The following FGF18 variants were observed in gnomAD, a reference collection of about 807,000 sequenced individuals.
FGF18 encodes the protein fibroblast growth factor 18.
FGF18 carries 5 observed loss-of-function variants against 23.0 expected under a neutral mutation model. The ratio of observed to expected loss-of-function variants is 0.22; its 90% CI spans 0.11 to 0.46. FGF18 has a LOEUF of 0.46. Among genes scored for constraint, FGF18 ranks in the 20% least tolerant of loss-of-function variants. The pLI, the probability that FGF18 is intolerant of heterozygous loss-of-function variation, is 0.99. For missense variants in FGF18, 180 were observed against 291.6 expected (o/e 0.62, Z 2.79); for synonymous variants, 117 against 118.9 (o/e 0.98, Z 0.10).
At position 171,449,264 on chromosome 5, in the gene FGF18, G is replaced by A; in HGVS notation, c.357+11G>A. The stretch of plus-strand genomic sequence containing the variant: ...AAGCTCGTGGGGAAGGTGAGTGATG[G>A]TTTGGGATTCCCGGGAACTTCGGGT... On this transcript the variant is annotated intron_variant, in intron 4 of 4. Coordinates refer to ENST00000274625, the MANE Select transcript of FGF18 (RefSeq NM_003862.3). 2.5e-6 allele frequency: 4 copies of A among 1,605,776 alleles called. No individual in the cohort carries two copies. Among genetic ancestry groups the A allele is most frequent in the Non-Finnish European group, 3.4e-6 (4 of 1,172,498 alleles).
At chr5:171,431,980 C>T (rs946516989) in intron 2 of FGF18, among the ~76,000 whole-genome samples, 2 of 151,946 alleles carry the variant, frequency 1.3e-5, no homozygotes, top group South Asian at 2.1e-4. Flanking sequence ...ACCGGGGAGG[C>T]GGAGGTTGCA....
intron 2 of FGF18, among the ~76,000 whole-genome samples, chr5:171,423,967 G>A (rs1279501892): frequency 6.6e-6 from 1 of 152,024 alleles, no homozygotes; most frequent in Non-Finnish European, 1.5e-5. Flanking sequence ...GTTTCACCAT[G>A]TTGGCCAGGC....
In FGF18 at chr5:171,456,919, T is replaced by C. The variant is rs189596455; in HGVS notation, c.*114T>C. 1 of 1,342,352 alleles carries C rather than the reference T, an allele frequency of 7.4e-7. No homozygotes were observed. Among genetic ancestry groups the C allele is most frequent in the African/African-American group, 1.5e-5 (1 of 68,162 alleles). The allele number at this position is 1,342,352 out of a possible 1,614,324, so 83.2% of individuals were successfully genotyped here. On this transcript the variant is annotated 3_prime_UTR_variant, in exon 5 of 5. Coordinates refer to ENST00000274625, the MANE Select transcript of FGF18 (RefSeq NM_003862.3). The surrounding 1 kb of genome is among the most constrained non-coding windows in gnomAD (Gnocchi z 6.1). ...AGGAAGAAGCTCTATTTTTGTACAT[T>C]GTGTTTAAAAGAAGACAAAAACTGA...
At chr5:171,453,952 C>T (rs1772548912) in intron 4 of FGF18, among the ~76,000 whole-genome samples, 1 of 152,088 alleles carries the variant, frequency 6.6e-6, no homozygotes, top group African/African-American at 2.4e-5. Flanking sequence ...CGTTCAACCC[C>T]AAATGCTCGG....
At chr5:171,429,643 G>T (rs1327673624) in intron 2 of FGF18, among the ~76,000 whole-genome samples, 1 of 152,264 alleles carries the variant, frequency 6.6e-6, no homozygotes, top group Non-Finnish European at 1.5e-5. Context: ...GTGGCTGGAA[G>T]TCTGGGGGCT....
intron 2 of FGF18, among the ~76,000 whole-genome samples, chr5:171,425,138 C>A (rs1019465973): frequency 6.6e-6 from 1 of 152,260 alleles, no homozygotes; most frequent in South Asian, 2.1e-4. Context: ...TAGCAGGAGA[C>A]TTGTGGGTGT....
rs1468246329 is a variant in FGF18 at position 171,440,169 on chromosome 5, T to C, written c.250+3896T>C. On this transcript the variant is annotated intron_variant, in intron 3 of 4. Transcript: ENST00000274625. The surrounding 1 kb of genome is among the most constrained non-coding windows in gnomAD (Gnocchi z 4.0). The stretch of plus-strand genomic sequence containing the variant: ...GAGAGAATCTTATGCCCAAAGATTA[T>C]ATGATCATTAAACCAGTACTAATAA... 6.6e-6 allele frequency among the ~76,000 whole-genome samples: 1 copy of C among 152,148 alleles called. No homozygotes were observed. The highest frequency in any genetic ancestry group is 1.5e-5 in the Non-Finnish European group (1 of 68,030).
intron 2 of FGF18, among the ~76,000 whole-genome samples, chr5:171,430,806 A>G (rs1015024457): frequency 1.4e-5 from 2 of 141,292 alleles, no homozygotes; most frequent in Non-Finnish European, 3.1e-5. Context: ...AAAAAAAAAA[A>G]AAAAAAAAAA....
chr5:171,445,013 G>C (rs930236334), intron 3 of FGF18, among the ~76,000 whole-genome samples: 2 of 152,178 alleles, frequency 1.3e-5, no homozygotes, highest in African/African-American at 2.4e-5. Flanking sequence ...CAGGGGAATG[G>C]GGTAGGGCTG....
Position 171,457,065 on chromosome 5 carries a change from C to G in FGF18, c.*260C>G. ...ACAGGTGCTTGTCTCTCTCTAGGAA[C>G]AGACAACTCTAAACTCGTCCCCAGA... On this transcript the variant is annotated 3_prime_UTR_variant, in exon 5 of 5. Transcript: ENST00000274625. The G allele has an allele frequency of 2.3e-6, 1 of 443,784 alleles. No homozygotes were observed. 27.5% of individuals were successfully genotyped at this position (443,784 alleles called of 1,614,324 possible).
intron 3 of FGF18, among the ~76,000 whole-genome samples, chr5:171,437,479 C>T (rs377369481): frequency 2.7e-4 from 41 of 152,268 alleles, no homozygotes; most frequent in East Asian, 2.3e-3. Flanking sequence ...CACTCTTTAC[C>T]GCCTCCGTTC....
Position 171,456,947 on chromosome 5 carries a change from C to A in FGF18, c.*142C>A. ...GTTTAAAAGAAGACAAAAACTGAAC[C>A]AAAACTCTTGGGGGGAGGGGTGATA... On this transcript the variant is annotated 3_prime_UTR_variant, in exon 5 of 5. Coordinates refer to ENST00000274625, the MANE Select transcript of FGF18 (RefSeq NM_003862.3). This position sits in a 1 kb window ranked among gnomAD's most constrained non-coding sequence, Gnocchi z 6.1. The A allele has an allele frequency of 9.2e-7, 1 of 1,089,612 alleles. No individual in the cohort carries two copies. Among genetic ancestry groups the A allele is most frequent in the Non-Finnish European group, 1.3e-6 (1 of 782,642 alleles). The allele number at this position is 1,089,612 out of a possible 1,614,324, so 67.5% of individuals were successfully genotyped here.
Position 171,436,131 on chromosome 5 carries a change from C to T in FGF18, c.108C>T (p.His36=), listed in dbSNP as rs748981824. ...VAEENVDFRI[H]VENQTRARDD... ...AGGAGAACGTGGACTTCCGCATCCA[C>T]GTGGAGAACCAGACGCGGGCTCGGG... Residue 36 remains histidine (H), a synonymous_variant, in exon 3 of 5, where the codon CAC becomes CAT. Transcript: ENST00000274625. The surrounding 1 kb of genome is among the most constrained non-coding windows in gnomAD (Gnocchi z 4.4). The T allele has an allele frequency of 1.3e-5, 21 of 1,581,902 alleles. No individual in the cohort carries two copies. The highest frequency in any genetic ancestry group is 4.1e-5 in the African/African-American group (3 of 73,658).
intron 2 of FGF18, among the ~76,000 whole-genome samples, chr5:171,435,813 G>A (rs1184620861): frequency 6.6e-6 from 1 of 152,150 alleles, no homozygotes; most frequent in Non-Finnish European, 1.5e-5. Context: ...ATGTGGCTGT[G>A]GTGGAAAGAG....
At chr5:171,420,353 C>T (rs962520973) in intron 1 of FGF18, 54 bp from the exon 2 acceptor site, 17 of 1,608,258 alleles carry the variant, frequency 1.1e-5, no homozygotes, top group Non-Finnish European at 1.3e-5. Flanking sequence ...TCTGTCTGTC[C>T]GTGCGCCCCC....
chr5:171,455,505 C>T (rs1222803250), intron 4 of FGF18, among the ~76,000 whole-genome samples: 1 of 152,172 alleles, frequency 6.6e-6, no homozygotes, highest in Admixed American at 6.5e-5. Context: ...CCATCATTGG[C>T]CCACATAACC....
chr5:171,433,976 G>A (rs1772214033), intron 2 of FGF18, among the ~76,000 whole-genome samples: 1 of 152,194 alleles, frequency 6.6e-6, no homozygotes, highest in Admixed American at 6.5e-5. Context: ...CTCATGAGGA[G>A]GGTGCTGTTA....
At chr5:171,421,003 C>T (rs1257187925) in intron 2 of FGF18, among the ~76,000 whole-genome samples, 1 of 152,230 alleles carries the variant, frequency 6.6e-6, no homozygotes, top group Non-Finnish European at 1.5e-5. Context: ...CCCGCGAGGC[C>T]GCTCCCGGAT....
intron 1 of FGF18, 79 bp from the exon 2 acceptor site, chr5:171,420,328 C>G: frequency 3.7e-6 from 6 of 1,605,384 alleles, no homozygotes; most frequent in Non-Finnish European, 5.1e-6. Flanking sequence ...GTTCACCTGA[C>G]TCTTCGACTG....
Sources: allele counts gnomAD v4.1 joint callset (sites outside exome capture counted in the v4.1 genomes callset), GRCh38; gene constraint gnomAD v4.1.1; non-coding constraint Gnocchi (gnomAD v3.1); transcripts MANE v1.5; gene names NCBI Gene and HGNC (gene_info 2026-07-23, HGNC 2026-07-21).